Variants in CDHR1 observed in about 807,000 individuals in gnomAD.
CDHR1 encodes the protein cadherin-related family member 1.
Under a neutral mutation model 72.1 loss-of-function variants are expected in CDHR1, and 61 were observed. The observed-to-expected ratio is 0.85, with a 90% confidence interval of 0.69 to 1.05. CDHR1 has a LOEUF of 1.05. Among genes scored for constraint, CDHR1 ranks in the 50% least tolerant of loss-of-function variants. CDHR1 has a pLI of 0.00. For missense variants in CDHR1, 1,186 were observed against 1,115.7 expected (o/e 1.06, Z -0.90); for synonymous variants, 470 against 448.1 (o/e 1.05, Z -0.62).
chr10:84,209,274 T>C (rs1388513728), intron 12 of CDHR1, among the ~76,000 whole-genome samples: 3 of 152,250 alleles, frequency 2.0e-5, no homozygotes, highest in Non-Finnish European at 2.9e-5. Flanking sequence ...TTTGTAATTA[T>C]GTAAAATCAT....
chr10:84,195,528 C>G lies in CDHR1; in HGVS notation c.90C>G (p.Asn30Lys). 1.2e-6 allele frequency: 2 copies of G among 1,614,170 alleles called. No individual in the cohort carries two copies. Among genetic ancestry groups the G allele is most frequent in the Non-Finnish European group, 1.7e-6 (2 of 1,180,010 alleles). Residue 30 changes from asparagine (N) to lysine (K), a missense_variant, in exon 2 of 17, where the codon AAC becomes AAG. Asn to Lys is a moderately conservative substitution (Grantham distance 94). Coordinates refer to ENST00000623527, the MANE Select transcript of CDHR1 (RefSeq NM_033100.4). ...QANFAPHFFD[N>K]GVGSTNGNMA... ...ACTTCGCCCCGCACTTCTTCGACAA[C>G]GGGGTCGGCAGCACCAACGGAAACA...
At chr10:84,199,167 A>T in intron 5 of CDHR1, 46 bp downstream of exon 5, 1 of 1,493,630 alleles carries the variant, frequency 6.7e-7, no homozygotes, top group Non-Finnish European at 9.1e-7. Context: ...ACCCAGGCCC[A>T]TAGCCTACCC....
Position 84,205,895 on chromosome 10 carries a change from C to A in CDHR1, c.931C>A (p.Leu311Ile), listed in dbSNP as rs149527368. Reference sequence around the variant, plus strand: ...CTCCATCACTCAGAGCCCGGCCCAGCTCCAGAGAGAGGTGTATGAGCTGCA... The same window carrying A: ...CTCCATCACTCAGAGCCCGGCCCAGATCCAGAGAGAGGTGTATGAGCTGCA... Reference protein sequence around the residue: ...AISITQSPAQLQREVYELHVQ... With the variant: ...AISITQSPAQIQREVYELHVQ... The change falls in exon 10 of 17, where the codon CTC becomes ATC. Residue 311 changes from leucine (L) to isoleucine (I), a missense_variant. Physicochemically the swap from Leu to Ile is conservative, Grantham distance 5. Coordinates refer to ENST00000623527, the MANE Select transcript of CDHR1 (RefSeq NM_033100.4). The A allele has an allele frequency of 5.1e-5, 82 of 1,613,956 alleles. No individual in the cohort carries two copies. Among genetic ancestry groups the A allele is most frequent in the Middle Eastern group, 4.9e-4 (3 of 6,082 alleles).
rs138638103 is a variant in CDHR1 at position 84,211,151 on chromosome 10, G to A, written c.1471G>A (p.Val491Met). The A allele has an allele frequency of 1.9e-4, 313 of 1,614,230 alleles. 4 individuals carry two copies. In the South Asian group the frequency reaches 2.7e-3, roughly 14 times the overall value. ...TGAGAACGCCCCAGGGGGCTCCAGC[G>A]TGGTGGCTGTCACAGTGGGTTGGGC... is the stretch of plus-strand genomic sequence containing the variant. ...IPENAPGGSS[V>M]VAVTAVDPDT... is the part of the protein sequence containing the mutation. Residue 491 changes from valine (V) to methionine (M), a missense_variant, in exon 13 of 17, where the codon GTG becomes ATG. Transcript: ENST00000623527.
At chr10:84,219,481 G>T, downstream of CDHR1, 1 of 742,908 alleles carries the variant, frequency 1.3e-6, no homozygotes, top group Non-Finnish European at 2.0e-6. Context: ...TTGGCTTGAA[G>T]GTCTGAACAT....
rs1256230645 is a variant in CDHR1, at chr10:84,214,988, T to A, written c.*367T>A. On this transcript the variant is annotated 3_prime_UTR_variant, in exon 17 of 17. Transcript: ENST00000623527. ...CTCAGGTTCTACTGGGATCTCATCA[T>A]CATCCTTAGTCAAGCAGCAGGGCCC... 3 of 1,172,678 alleles carry A rather than the reference T, an allele frequency of 2.6e-6. No individual in the cohort carries two copies. The highest frequency in any genetic ancestry group is 3.2e-6 in the Non-Finnish European group (3 of 941,058). 72.6% of individuals were successfully genotyped at this position (1,172,678 alleles called of 1,614,324 possible). A position where few individuals can be genotyped will look rare whatever the true frequency, so the allele number is the denominator to read the frequency against.
intron 15 of CDHR1, 99 bp from the exon 16 acceptor site, chr10:84,212,992 C>G: frequency 1.1e-5 from 16 of 1,456,764 alleles, no homozygotes; most frequent in Non-Finnish European, 1.5e-5. Flanking sequence ...AGGACCATTT[C>G]CCATCAACCC....
At chr10:84,204,374 C>T (rs55798570) in intron 8 of CDHR1, among the ~76,000 whole-genome samples, 153 bp from the exon 9 acceptor site, 19,712 of 152,146 alleles carry the variant, frequency 0.13, 1,494 homozygotes, top group Non-Finnish European at 0.17. Flanking sequence ...GATCCCCCTG[C>T]AGAGGAGAGT....
At chr10:84,213,016 T>G (rs1564665255) in intron 15 of CDHR1, 75 bp from the exon 16 acceptor site, 2 of 1,578,184 alleles carry the variant, frequency 1.3e-6, no homozygotes, top group East Asian at 4.5e-5. Flanking sequence ...AAGCCCCATA[T>G]GACGTGCTGA....
chr10:84,201,819 C>T lies in CDHR1; in HGVS notation c.538C>T (p.Pro180Ser). Reference sequence around the variant, plus strand: ...CTAATTCTTATAGAACCTGCACTCCCCATTTGCCGTGGACCGCCACAGCGG... The same window carrying T: ...CTAATTCTTATAGAACCTGCACTCCTCATTTGCCGTGGACCGCCACAGCGG... Reference protein sequence around the residue: ...VTYFLQNLHSPFAVDRHSGVL... With the variant: ...VTYFLQNLHSSFAVDRHSGVL... Residue 180 changes from proline to serine, a missense_variant, in exon 7 of 17, where the codon CCA (proline) becomes TCA (serine). Physicochemically the swap from Pro to Ser is moderately conservative, Grantham distance 74. Transcript: ENST00000623527. The T allele has an allele frequency of 6.2e-7, 1 of 1,610,456 alleles. No homozygotes were observed.
At position 84,205,809 on chromosome 10, in the gene CDHR1, G is replaced by C. The variant is rs746036664; in HGVS notation, c.863-18G>C. ...CTGTGGTCCTGTGCAGAACTTCAGGGTGCATCTCCCTTGACAGGGAACGAT... is the reference window on the plus strand; with the variant it reads ...CTGTGGTCCTGTGCAGAACTTCAGGCTGCATCTCCCTTGACAGGGAACGAT... On this transcript the variant is annotated intron_variant, in intron 9 of 16. Coordinates refer to ENST00000623527, the MANE Select transcript of CDHR1 (RefSeq NM_033100.4). The C allele has an allele frequency of 1.3e-6, 2 of 1,589,434 alleles. No homozygotes were observed.
At position 84,216,028 on chromosome 10, in the gene CDHR1, TTG is replaced by T. The variant is rs756076350; in HGVS notation, c.*1410_*1411del. ...TCTAGCCAGGGCAGCCCTTATCAGCTTGTGACAACCTTCCCCAGGACAGAAGT... is the reference window on the plus strand; with the variant it reads ...TCTAGCCAGGGCAGCCCTTATCAGCTTGACAACCTTCCCCAGGACAGAAGT... On this transcript the variant is annotated 3_prime_UTR_variant, in exon 17 of 17. Coordinates refer to ENST00000623527, the MANE Select transcript of CDHR1 (RefSeq NM_033100.4). 2 of 985,474 alleles carry T rather than the reference TTG, an allele frequency of 2.0e-6. No homozygotes were observed. Among genetic ancestry groups the T allele is most frequent in the Non-Finnish European group, 2.4e-6 (2 of 829,946 alleles). 61.0% of individuals were successfully genotyped at this position (985,474 alleles called of 1,614,324 possible).
In CDHR1 at chr10:84,194,678, C is replaced by A. The variant is rs1841994205; in HGVS notation, c.-83C>A. ...GCCGCTACCCCCATTGTGGTCTCTG[C>A]CCTCCCCGCGGGCCCAGGGCATGCT... On this transcript the variant is annotated 5_prime_UTR_variant, in exon 1 of 17. Transcript: ENST00000623527. 1.7e-6 allele frequency: 2 copies of A among 1,196,430 alleles called. No homozygotes were observed. Among genetic ancestry groups the A allele is most frequent in the Non-Finnish European group, 2.2e-6 (2 of 907,770 alleles). The allele number at this position is 1,196,430 out of a possible 1,614,324, so 74.1% of individuals were successfully genotyped here.
intron 6 of CDHR1, 26 bp downstream of exon 6, chr10:84,200,713 C>T (rs1333927142): frequency 7.6e-6 from 12 of 1,571,782 alleles, no homozygotes; most frequent in East Asian, 2.3e-5. Flanking sequence ...CAGGACCTAA[C>T]CTGGGGCTGG....
chr10:84,218,337 G>A lies in CDHR1; in HGVS notation c.*3716G>A, dbSNP rs569255381. Reference sequence around the variant, plus strand: ...GCAACAGGCTGATGTTGGGGACATCGGTTTGATGTTATAAAATCGTGCACA... The same window carrying A: ...GCAACAGGCTGATGTTGGGGACATCAGTTTGATGTTATAAAATCGTGCACA... On this transcript the variant is annotated 3_prime_UTR_variant, in exon 17 of 17. Coordinates refer to ENST00000623527, the MANE Select transcript of CDHR1 (RefSeq NM_033100.4). The A allele has an allele frequency of 3.3e-5, 33 of 985,266 alleles. No homozygotes were observed. In the Admixed American group the frequency reaches 3.7e-4, roughly 11 times the overall value. 61.0% of individuals were successfully genotyped at this position (985,266 alleles called of 1,614,324 possible).
Position 84,196,670 on chromosome 10 carries a change from G to A in CDHR1, c.297+20G>A. 6.2e-7 allele frequency: 1 copy of A among 1,614,110 alleles called. No individual in the cohort carries two copies. Among genetic ancestry groups the A allele is most frequent in the Non-Finnish European group, 8.5e-7 (1 of 1,179,976 alleles). On this transcript the variant is annotated intron_variant, in intron 3 of 16. Transcript: ENST00000623527. ...AGAGAGGTATGGGGAGGTGTGGGGA[G>A]TGCTGCGGGGCCACTGCCTGTAGAC... is the stretch of plus-strand genomic sequence containing the variant.
At chr10:84,203,194 AC>A in intron 8 of CDHR1, 71 bp downstream of exon 8, 4 of 1,593,622 alleles carry the variant, frequency 2.5e-6, no homozygotes, top group Non-Finnish European at 3.4e-6. Flanking sequence ...GATTTTAGGG[AC>A]CCCCTGCTGG....
Position 84,200,653 on chromosome 10 carries a change from C to T in CDHR1, c.491C>T (p.Thr164Ile). ...AAGGTCCATGCAGTGGACAGGGACA[C>T]AGGCTCTGGAGGGAGTGTCACCTAC... ...IFKVHAVDRD[T>I]GSGGSVTYFL... Residue 164 changes from threonine (T) to isoleucine (I), a missense_variant, in exon 6 of 17, where the codon ACA becomes ATA. Thr to Ile is a moderately conservative substitution (Grantham distance 89, BLOSUM62 -1). Coordinates refer to ENST00000623527, the MANE Select transcript of CDHR1 (RefSeq NM_033100.4). The T allele has an allele frequency of 6.2e-7, 1 of 1,612,558 alleles. No homozygotes were observed. The highest frequency in any genetic ancestry group is 8.5e-7 in the Non-Finnish European group (1 of 1,179,376).
Position 84,214,942 on chromosome 10 carries a change from C to G in CDHR1, c.*321C>G. 5 of 1,279,968 alleles carry G rather than the reference C, an allele frequency of 3.9e-6. No homozygotes were observed. The highest frequency in any genetic ancestry group is 4.0e-6 in the Non-Finnish European group (4 of 1,004,570). 79.3% of individuals were successfully genotyped at this position (1,279,968 alleles called of 1,614,324 possible). A position where few individuals can be genotyped will look rare whatever the true frequency, so the allele number is the denominator to read the frequency against. On this transcript the variant is annotated 3_prime_UTR_variant, in exon 17 of 17. Transcript: ENST00000623527. ...GAGAATTGACGAGAAGCCAGCTCAC[C>G]CATCCCAGACCTCACAGTCCCTCAG...
Sources: allele counts gnomAD v4.1 joint callset (sites outside exome capture counted in the v4.1 genomes callset), GRCh38; gene constraint gnomAD v4.1.1; transcripts MANE v1.5; gene names NCBI Gene and HGNC (gene_info 2026-07-23, HGNC 2026-07-21).